Variants in GRID2 observed in about 807,000 individuals in gnomAD.
The protein encoded by GRID2 is glutamate receptor ionotropic, delta-2.
In GRID2, 33 loss-of-function variants were observed where a neutral mutation model predicts 114.8. The observed-to-expected ratio is 0.29, with a 90% CI of 0.22 to 0.38. The LOEUF (loss-of-function observed/expected upper bound fraction) is 0.38. GRID2 is among the 10% of genes least tolerant of loss of function. The pLI is 1.00. For synonymous variants in GRID2, 505 were observed against 449.9 expected (o/e 1.12, Z -1.55); for missense variants, 1,184 against 1,257.7 (o/e 0.94, Z 0.89).
At chr4:93,144,065 C>CA (rs2149389063) in intron 4 of GRID2, among the ~76,000 whole-genome samples, 1 of 152,232 alleles carries the variant, frequency 6.6e-6, no homozygotes, top group African/African-American at 2.4e-5. Context: ...GAGGGTTGGG[C>CA]AAAACATGGA....
chr4:93,110,952 A>G lies in GRID2; in HGVS notation c.734A>G (p.Glu245Gly). 6.3e-7 allele frequency: 1 copy of G among 1,594,358 alleles called. No homozygotes were observed. ...GCTACAGCCAAATCCTTCATTACTG[A>G]GGTAAGTGAAAATTGTCTTGGGGTG... ...NPATAKSFIT[E>G]VVETNLVAFD... Residue 245 changes from glutamate (E) to glycine (G), a missense_variant and splice_region_variant, in exon 4 of 16, where the codon GAG becomes GGG. Transcript: ENST00000282020.
intron 2 of GRID2, among the ~76,000 whole-genome samples, chr4:92,959,742 A>T (rs985866294): frequency 6.6e-6 from 1 of 152,104 alleles, no homozygotes; most frequent in African/African-American, 2.4e-5. Context: ...ATTCTCAGCA[A>T]ACTATGCAGG....
At chr4:93,493,395 A>G (rs1727211771) in intron 12 of GRID2, among the ~76,000 whole-genome samples, 1 of 151,810 alleles carries the variant, frequency 6.6e-6, no homozygotes, top group South Asian at 2.1e-4. Context: ...TTAATAATAC[A>G]AGTACTCTTC....
chr4:93,132,006 A>G (rs956338877), intron 4 of GRID2, among the ~76,000 whole-genome samples: 6 of 152,188 alleles, frequency 3.9e-5, no homozygotes, highest in African/African-American at 9.7e-5. Context: ...ACCTCAATCC[A>G]TAAGCAAAAA....
intron 2 of GRID2, among the ~76,000 whole-genome samples, chr4:92,971,714 T>C (rs1753534638): frequency 6.6e-6 from 1 of 152,046 alleles, no homozygotes; most frequent in Non-Finnish European, 1.5e-5. Context: ...CTTCCCAGTC[T>C]ATAATAACCA....
chr4:92,819,417 G>A (rs554470035), intron 2 of GRID2, among the ~76,000 whole-genome samples: 6 of 152,154 alleles, frequency 3.9e-5, no homozygotes, highest in African/African-American at 1.2e-4. Context: ...GTATGGGGGC[G>A]GCATGAAGAG....
intron 2 of GRID2, among the ~76,000 whole-genome samples, chr4:92,817,992 G>T (rs1362251254): frequency 2.0e-5 from 3 of 152,116 alleles, no homozygotes; most frequent in Non-Finnish European, 4.4e-5. Flanking sequence ...TTATCCAAAA[G>T]ATGCTGCAAA....
intron 1 of GRID2, among the ~76,000 whole-genome samples, chr4:92,472,058 C>G (rs1301421229): frequency 8.7e-6 from 1 of 114,840 alleles, no homozygotes; most frequent in Non-Finnish European, 1.8e-5. Context: ...CTCGGCCTCC[C>G]GAGTAGCTGG....
chr4:92,906,794 C>A (rs548647277), intron 2 of GRID2, among the ~76,000 whole-genome samples: 2 of 152,026 alleles, frequency 1.3e-5, no homozygotes, highest in Admixed American at 6.6e-5. Flanking sequence ...GGACTTTAAG[C>A]CTTTTCCCCT....
intron 1 of GRID2, among the ~76,000 whole-genome samples, chr4:92,307,502 A>G (rs1216683808): frequency 1.3e-5 from 2 of 152,148 alleles, no homozygotes; most frequent in African/African-American, 4.8e-5. Flanking sequence ...TTATATATAC[A>G]TGAAAATCAT....
At chr4:92,652,871 A>AATATATAAAAATATATTTATAAAT in intron 2 of GRID2, among the ~76,000 whole-genome samples, 1 of 100,054 alleles carries the variant, frequency 1.0e-5, no homozygotes, top group South Asian at 3.4e-4. Flanking sequence ...AATACATATA[A>AATATATAAAAATATATTTATAAAT]ATATATAAAA....
chr4:92,875,213 AGC>A (rs2149450346), intron 2 of GRID2, among the ~76,000 whole-genome samples: 1 of 117,524 alleles, frequency 8.5e-6, no homozygotes, highest in East Asian at 2.8e-4. Context: ...CCGGGTTTGG[AGC>A]GCAATGGCGC....
At chr4:92,775,320 A>G (rs185400056) in intron 2 of GRID2, among the ~76,000 whole-genome samples, 368 of 152,270 alleles carry the variant, frequency 2.4e-3, no homozygotes, top group Non-Finnish European at 3.9e-3. Context: ...CTGCATGTTG[A>G]CTGTTGACTA....
intron 1 of GRID2, among the ~76,000 whole-genome samples, chr4:92,369,483 T>C (rs1729018948): frequency 6.6e-6 from 1 of 152,202 alleles, no homozygotes; most frequent in Non-Finnish European, 1.5e-5. Context: ...AAAGGACAGA[T>C]GCTTGTTTAC....
At chr4:92,468,754 A>T (rs1721878303) in intron 1 of GRID2, among the ~76,000 whole-genome samples, 1 of 152,146 alleles carries the variant, frequency 6.6e-6, no homozygotes, top group South Asian at 2.1e-4. Flanking sequence ...GTGAAAAGTT[A>T]GCAGGTATTC....
At chr4:93,438,606 G>A (rs571885802) in intron 10 of GRID2, among the ~76,000 whole-genome samples, 1 of 152,104 alleles carries the variant, frequency 6.6e-6, no homozygotes, top group African/African-American at 2.4e-5. Context: ...AGGAATAATG[G>A]AATGTCTACA....
intron 4 of GRID2, among the ~76,000 whole-genome samples, chr4:93,153,302 CT>C (rs1398716060): frequency 6.6e-6 from 1 of 152,032 alleles, no homozygotes; most frequent in Non-Finnish European, 1.5e-5. Context: ...TAAAAACACC[CT>C]GGCCAAAGTC....
rs1013004030 is a variant in GRID2, at chr4:92,508,770, A to G, written c.89-81361A>G. ...GAACTTTGGGAGATCTTGAGCAGGG[A>G]ATGGCAGACAATACTTTTTTTAAAG... On this transcript the variant is annotated intron_variant, in intron 1 of 15. Coordinates refer to ENST00000282020, the MANE Select transcript of GRID2 (RefSeq NM_001510.4). 2.0e-5 allele frequency among the ~76,000 whole-genome samples: 3 copies of G among 151,898 alleles called. No homozygotes were observed. In the South Asian group the frequency reaches 6.2e-4, roughly 31 times the overall value.
At chr4:93,066,491 C>T (rs955075858) in intron 2 of GRID2, among the ~76,000 whole-genome samples, 6 of 152,034 alleles carry the variant, frequency 3.9e-5, no homozygotes, top group African/African-American at 1.4e-4. Context: ...AATTCCTCCT[C>T]TTAAATTAAT....
Sources: gnomAD v4.1 joint callset for allele counts (sites outside exome capture counted in the v4.1 genomes callset) on GRCh38, gnomAD v4.1.1 for gene constraint, MANE v1.5 for transcripts, NCBI Gene and HGNC (gene_info 2026-07-23, HGNC 2026-07-21) for gene names.